The following DSCAM variants were observed in gnomAD, a reference collection of about 807,000 sequenced individuals.
The protein encoded by DSCAM is cell adhesion molecule DSCAM.
In DSCAM, 47 loss-of-function variants were observed where a neutral mutation model predicts 217.7. The ratio of observed to expected loss-of-function variants is 0.22; its 90% CI spans 0.17 to 0.28. The LOEUF is 0.28. DSCAM is among the 10% of genes least tolerant of loss of function. The pLI, the probability that DSCAM is intolerant of heterozygous loss-of-function variation, is 1.00. For synonymous variants in DSCAM, 1,056 were observed against 1,015.3 expected (o/e 1.04, Z -0.76); for missense variants, 2,080 against 2,618.3 (o/e 0.79, Z 4.49).
chr21:40,381,932 G>A (rs2075030398), intron 3 of DSCAM, among the ~76,000 whole-genome samples: 1 of 152,162 alleles, frequency 6.6e-6, no homozygotes, highest in Non-Finnish European at 1.5e-5. Flanking sequence ...ATAAAGTTAT[G>A]TGTGTGTTTG....
intron 30 of DSCAM, among the ~76,000 whole-genome samples, chr21:40,046,895 T>G (rs1442581833): frequency 1.3e-5 from 2 of 151,842 alleles, no homozygotes; most frequent in African/African-American, 2.4e-5. Context: ...GGGGCAAAGA[T>G]CTTCACTGTC....
chr21:40,575,187 G>T (rs191988494), intron 3 of DSCAM, among the ~76,000 whole-genome samples: 1 of 150,460 alleles, frequency 6.6e-6, no homozygotes, highest in African/African-American at 2.4e-5. Flanking sequence ...GGCTCAAAAA[G>T]CTCCCCCACT....
At chr21:40,117,851 G>A (rs1447006547) in intron 20 of DSCAM, among the ~76,000 whole-genome samples, 1 of 151,994 alleles carries the variant, frequency 6.6e-6, no homozygotes, top group Non-Finnish European at 1.5e-5. Context: ...GATAAAAAGT[G>A]GTGAAATAAA....
At chr21:40,235,148 A>G (rs1246299544) in intron 11 of DSCAM, among the ~76,000 whole-genome samples, 2 of 152,216 alleles carry the variant, frequency 1.3e-5, no homozygotes, top group Non-Finnish European at 2.9e-5. Flanking sequence ...GAAAATAGTG[A>G]TACATTACAA....
intron 10 of DSCAM, among the ~76,000 whole-genome samples, chr21:40,282,586 G>A (rs1331990228): frequency 2.5e-5 from 2 of 78,818 alleles, no homozygotes; most frequent in Non-Finnish European, 4.3e-5. Context: ...GCGAGACTCT[G>A]TCTCAAAAAA....
Position 40,658,690 on chromosome 21 carries a change from A to C in DSCAM, c.508+34120T>G, listed in dbSNP as rs186622211. 5.9e-3 allele frequency among the ~76,000 whole-genome samples: 905 copies of C among 152,302 alleles called. 10 individuals carry two copies. Among genetic ancestry groups the C allele is most frequent in the African/African-American group, 0.02 (850 of 41,560 alleles). On this transcript the variant is annotated intron_variant, in intron 3 of 32. Transcript: ENST00000400454. ...ATGCCCACAGTATGTGTAGAGAAAC[A>C]CAAGTGAAAGAAAATTGATGGGGGG...
chr21:40,505,990 C>A (rs1360349239), intron 3 of DSCAM, among the ~76,000 whole-genome samples: 2 of 152,184 alleles, frequency 1.3e-5, no homozygotes, highest in South Asian at 4.1e-4. Context: ...GAACCACACA[C>A]ACACAAAACA....
intron 3 of DSCAM, among the ~76,000 whole-genome samples, chr21:40,568,355 C>G (rs1221243273): frequency 6.6e-6 from 1 of 152,040 alleles, no homozygotes; most frequent in Non-Finnish European, 1.5e-5. Context: ...TGAAAAAAGA[C>G]AATGAATTTG....
chr21:40,237,591 C>A (rs958565261), intron 11 of DSCAM, among the ~76,000 whole-genome samples: 1 of 152,206 alleles, frequency 6.6e-6, no homozygotes, highest in African/African-American at 2.4e-5. Flanking sequence ...ATATGTGCCA[C>A]ATTTTCTTTA....
At chr21:40,744,187 T>G (rs898129884) in intron 1 of DSCAM, among the ~76,000 whole-genome samples, 6 of 152,134 alleles carry the variant, frequency 3.9e-5, no homozygotes, top group African/African-American at 1.4e-4. Flanking sequence ...GGAAGCCCAC[T>G]CAGGTCTCAC....
At chr21:40,803,992 T>G (rs2123510162) in intron 1 of DSCAM, among the ~76,000 whole-genome samples, 1 of 152,272 alleles carries the variant, frequency 6.6e-6, no homozygotes, top group South Asian at 2.1e-4. Context: ...CAGGACCCAG[T>G]CTTCTCTTCT....
At chr21:40,779,527 G>A (rs1011424619) in intron 1 of DSCAM, among the ~76,000 whole-genome samples, 2 of 152,176 alleles carry the variant, frequency 1.3e-5, no homozygotes, top group Middle Eastern at 3.2e-3. Context: ...TTTACAATAG[G>A]GAATAAGAGA....
chr21:40,745,858 G>C (rs1343329991), intron 1 of DSCAM, among the ~76,000 whole-genome samples: 1 of 152,014 alleles, frequency 6.6e-6, no homozygotes, highest in Admixed American at 6.6e-5. Flanking sequence ...AATTAGTTAA[G>C]AGTTAATATA....
chr21:40,397,946 TACC>T (rs2075196884), intron 3 of DSCAM, among the ~76,000 whole-genome samples: 1 of 152,084 alleles, frequency 6.6e-6, no homozygotes, highest in Admixed American at 6.5e-5. Context: ...CTGCAACAAT[TACC>T]ACCACCACCA....
intron 11 of DSCAM, among the ~76,000 whole-genome samples, chr21:40,205,108 T>G (rs1367585600): frequency 6.7e-6 from 1 of 150,276 alleles, no homozygotes; most frequent in South Asian, 2.1e-4. Flanking sequence ...TCTCAGGGGG[T>G]TTTTAAAGTT....
chr21:40,816,766 T>C (rs1172255383), intron 1 of DSCAM, among the ~76,000 whole-genome samples: 2 of 152,200 alleles, frequency 1.3e-5, no homozygotes, highest in African/African-American at 4.8e-5. Context: ...TCAAAATGAA[T>C]CTATTTTCTG....
intron 11 of DSCAM, among the ~76,000 whole-genome samples, chr21:40,244,425 T>C (rs1234394838): frequency 6.9e-6 from 1 of 144,052 alleles, no homozygotes; most frequent in African/African-American, 2.6e-5. Context: ...CACTCCAGCC[T>C]GGGTGACAGA....
chr21:40,781,768 T>A (rs1443604952), intron 1 of DSCAM, among the ~76,000 whole-genome samples: 3 of 152,130 alleles, frequency 2.0e-5, no homozygotes, highest in Non-Finnish European at 2.9e-5. Context: ...AGCTATGTCC[T>A]ACTTACATTC....
At chr21:40,020,498 A>G (rs1166031958) in intron 32 of DSCAM, among the ~76,000 whole-genome samples, 1 of 151,966 alleles carries the variant, frequency 6.6e-6, no homozygotes, top group Non-Finnish European at 1.5e-5. Flanking sequence ...CAGGGCATAC[A>G]CATCAAGAAA....
Sources: gnomAD v4.1 joint callset for allele counts (sites outside exome capture counted in the v4.1 genomes callset) on GRCh38, gnomAD v4.1.1 for gene constraint, MANE v1.5 for transcripts, NCBI Gene and HGNC (gene_info 2026-07-23, HGNC 2026-07-21) for gene names.